Variants in COL26A1 observed in about 807,000 individuals in gnomAD.
The protein encoded by COL26A1 is collagen alpha-1(XXVI) chain.
In COL26A1, 41 loss-of-function variants were observed where a neutral mutation model predicts 59.3. That is an observed-to-expected ratio of 0.69 (90% CI 0.54 to 0.90). The LOEUF (loss-of-function observed/expected upper bound fraction) is 0.90, where lower values mean the gene tolerates loss of function less well. Ranked by LOEUF, COL26A1 falls within the 40% of genes least tolerant of loss-of-function variation. The pLI is 0.00. For synonymous variants in COL26A1, 266 were observed against 256.0 expected, an observed-to-expected ratio of 1.04 and a Z score of -0.37; for missense variants, 612 against 602.3, an observed-to-expected ratio of 1.02 and a Z score of -0.17.
chr7:101,376,030 G>A (rs1791308820), intron 1 of COL26A1, among the ~76,000 whole-genome samples: 2 of 150,980 alleles, frequency 1.3e-5, no homozygotes, highest in Admixed American at 6.6e-5. Context: ...GCACGGTGAT[G>A]TGTGATTGTA....
intron 3 of COL26A1, among the ~76,000 whole-genome samples, chr7:101,498,566 G>A (rs181077878): frequency 4.3e-4 from 65 of 152,294 alleles, no homozygotes; most frequent in South Asian, 8.3e-4. Flanking sequence ...GCCTCTAAGC[G>A]TTTGTTTGCC....
chr7:101,551,672 G>A (rs770669760), intron 10 of COL26A1, among the ~76,000 whole-genome samples: 3 of 152,056 alleles, frequency 2.0e-5, no homozygotes, highest in Non-Finnish European at 2.9e-5. Context: ...GCTTGAACCC[G>A]GAGGCAGAGG....
At chr7:101,533,192 G>A (rs1315692919) in intron 4 of COL26A1, 49 bp downstream of exon 4, 4 of 1,383,474 alleles carry the variant, frequency 2.9e-6, no homozygotes, top group African/African-American at 2.8e-5. Context: ...TGGGGACCTT[G>A]GGTGGTGGAG....
At chr7:101,410,344 A>G (rs555011165) in intron 1 of COL26A1, among the ~76,000 whole-genome samples, 4 of 152,204 alleles carry the variant, frequency 2.6e-5, no homozygotes, top group Non-Finnish European at 2.9e-5. Context: ...AGGGAAAAAT[A>G]GTGGGTTCTT....
chr7:101,445,761 GA>G (rs1167259615), intron 2 of COL26A1, among the ~76,000 whole-genome samples: 2 of 140,572 alleles, frequency 1.4e-5, no homozygotes, highest in Non-Finnish European at 3.1e-5. Context: ...AAAAGAGAGT[GA>G]GGGGGCACCA....
At chr7:101,454,938 G>A (rs890325585) in intron 3 of COL26A1, among the ~76,000 whole-genome samples, 2 of 152,014 alleles carry the variant, frequency 1.3e-5, no homozygotes, top group African/African-American at 4.8e-5. Flanking sequence ...CACTAAGGTA[G>A]TGTAAATGGT....
At chr7:101,464,899 G>T in intron 3 of COL26A1, among the ~76,000 whole-genome samples, 1 of 150,304 alleles carries the variant, frequency 6.7e-6, no homozygotes, top group East Asian at 2.0e-4. Context: ...GTTTGTAGTG[G>T]CGGGGTCTCG....
At chr7:101,454,181 A>G (rs1375553732) in intron 3 of COL26A1, among the ~76,000 whole-genome samples, 2 of 152,084 alleles carry the variant, frequency 1.3e-5, no homozygotes, top group African/African-American at 2.4e-5. Flanking sequence ...AGGTCAAACC[A>G]GGTGACACCC....
At chr7:101,446,850 TAA>T (rs543443372) in intron 2 of COL26A1, among the ~76,000 whole-genome samples, 19 of 118,932 alleles carry the variant, frequency 1.6e-4, no homozygotes, top group Non-Finnish European at 2.3e-4. Flanking sequence ...CTGTCTCAAC[TAA>T]AAAAAAAAAA....
chr7:101,424,467 G>A (rs1023124812), intron 2 of COL26A1, among the ~76,000 whole-genome samples: 1 of 151,680 alleles, frequency 6.6e-6, no homozygotes, highest in African/African-American at 2.4e-5. Context: ...GTGTGATGAT[G>A]CACACCTGTA....
intron 3 of COL26A1, among the ~76,000 whole-genome samples, chr7:101,524,095 C>A (rs1795191800): frequency 6.6e-6 from 1 of 151,898 alleles, no homozygotes; most frequent in South Asian, 2.1e-4. Context: ...CATGGTGAAA[C>A]CCTGTCTCTA....
At chr7:101,417,652 A>T (rs1584389752) in intron 1 of COL26A1, among the ~76,000 whole-genome samples, 1 of 44,246 alleles carries the variant, frequency 2.3e-5, no homozygotes, top group Non-Finnish European at 9.8e-5. Flanking sequence ...CTATATCTAG[A>T]CATAGATATA....
At chr7:101,525,171 C>CTTTTTTT (rs34881584) in intron 3 of COL26A1, among the ~76,000 whole-genome samples, 17 of 73,904 alleles carry the variant, frequency 2.3e-4, no homozygotes, top group South Asian at 5.7e-4. Flanking sequence ...TGACTTCATT[C>CTTTTTTT]TTTTTTTTTT....
At chr7:101,445,874 C>G (rs952677587) in intron 2 of COL26A1, among the ~76,000 whole-genome samples, 1 of 151,098 alleles carries the variant, frequency 6.6e-6, no homozygotes, top group Non-Finnish European at 1.5e-5. Context: ...AAGGTGAAAC[C>G]CTGTCTCTAC....
chr7:101,551,238 T>TTGGGGGGGGGGGC, intron 10 of COL26A1, 95 bp downstream of exon 10: 5 of 491,348 alleles, frequency 1.0e-5, no homozygotes, highest in East Asian at 5.2e-5. Context: ...GGTGGGGGGG[T>TTGGGGGGGGGGGC]TCAGCCCTGG....
intron 3 of COL26A1, among the ~76,000 whole-genome samples, chr7:101,524,197 G>A (rs1266031363): frequency 6.6e-6 from 1 of 151,892 alleles, no homozygotes; most frequent in Non-Finnish European, 1.5e-5. Flanking sequence ...CTTGAACCCA[G>A]GAGGCAGAGG....
chr7:101,375,210 A>G (rs1453507807), intron 1 of COL26A1, among the ~76,000 whole-genome samples: 1 of 152,036 alleles, frequency 6.6e-6, no homozygotes, highest in Non-Finnish European at 1.5e-5. Flanking sequence ...TCATCTATAA[A>G]ATGGGTATGA....
chr7:101,394,355 A>G (rs1487047032), intron 1 of COL26A1, among the ~76,000 whole-genome samples: 1 of 151,262 alleles, frequency 6.6e-6, no homozygotes, highest in Non-Finnish European at 1.5e-5. Context: ...AAGATTATAA[A>G]CGTGTGCTGT....
At chr7:101,522,819 G>T (rs1171815944) in intron 3 of COL26A1, among the ~76,000 whole-genome samples, 1 of 137,202 alleles carries the variant, frequency 7.3e-6, no homozygotes. Flanking sequence ...CTAATACTTG[G>T]TTAAAAAAAA....
Sources: gnomAD v4.1 joint callset for allele counts (sites outside exome capture counted in the v4.1 genomes callset) on GRCh38, gnomAD v4.1.1 for gene constraint, MANE v1.5 for transcripts, NCBI Gene and HGNC (gene_info 2026-07-23, HGNC 2026-07-21) for gene names.